CACNB2: variants seen among roughly 807,000 people sequenced by gnomAD.
CACNB2 encodes the protein calcium voltage-gated channel auxiliary subunit beta 2.
A neutral mutation model predicts 73.3 loss-of-function variants in CACNB2; 42 were observed. The observed-to-expected ratio is 0.57, with a 90% CI of 0.45 to 0.74. The LOEUF (loss-of-function observed/expected upper bound fraction) is 0.74, where lower values mean the gene tolerates loss of function less well. CACNB2 is among the 30% of genes least tolerant of loss of function. The pLI is 0.00. For synonymous variants in CACNB2, 348 were observed against 310.3 expected (o/e 1.12, Z -1.28); for missense variants, 940 against 853.0 (o/e 1.10, Z -1.27).
intron 2 of CACNB2, among the ~76,000 whole-genome samples, chr10:18,240,665 G>A (rs2036614248): frequency 6.6e-6 from 1 of 152,040 alleles, no homozygotes; most frequent in Non-Finnish European, 1.5e-5. Flanking sequence ...TGTCTAACTG[G>A]TTACGCAAAC....
chr10:18,381,723 A>G (rs368746379), intron 2 of CACNB2, among the ~76,000 whole-genome samples: 2 of 151,798 alleles, frequency 1.3e-5, no homozygotes, highest in East Asian at 3.9e-4. Context: ...TTTTAATGTA[A>G]CTTAGTTGAC....
intron 3 of CACNB2, among the ~76,000 whole-genome samples, chr10:18,489,112 G>T (rs1284356861): frequency 6.6e-6 from 1 of 152,072 alleles, no homozygotes; most frequent in African/African-American, 2.4e-5. Flanking sequence ...AGGAGATCAA[G>T]ACCATCCTGG....
chr10:18,504,811 AT>A (rs1240109168), intron 5 of CACNB2, among the ~76,000 whole-genome samples: 3 of 151,966 alleles, frequency 2.0e-5, no homozygotes, highest in Non-Finnish European at 1.5e-5. Context: ...CGCCCAGCTA[AT>A]TTTTGTATTT....
intron 2 of CACNB2, among the ~76,000 whole-genome samples, chr10:18,151,664 G>A (rs565435991): frequency 5.3e-5 from 8 of 152,138 alleles, no homozygotes; most frequent in South Asian, 2.1e-4. Context: ...TGAGGGTTGT[G>A]GTTATGTGTT....
At chr10:18,145,144 C>G (rs1446323213) in intron 1 of CACNB2, among the ~76,000 whole-genome samples, 2 of 152,216 alleles carry the variant, frequency 1.3e-5, no homozygotes, top group Admixed American at 1.3e-4. Flanking sequence ...CCAGCCGAGT[C>G]TGCCAGATGC....
intron 2 of CACNB2, among the ~76,000 whole-genome samples, chr10:18,394,864 T>G (rs1290962656): frequency 1.3e-5 from 2 of 152,218 alleles, no homozygotes; most frequent in Non-Finnish European, 2.9e-5. Context: ...ACGCACTCTT[T>G]TAGCCTCTAA....
intron 3 of CACNB2, among the ~76,000 whole-genome samples, chr10:18,487,268 C>T (rs4748472): frequency 0.74 from 112,586 of 152,116 alleles, 42,546 homozygotes; most frequent in East Asian, 0.9. Flanking sequence ...AGGTAGCCTT[C>T]ATCTATTGGC....
At chr10:18,385,464 C>T (rs375873754) in intron 2 of CACNB2, among the ~76,000 whole-genome samples, 80 of 134,524 alleles carry the variant, frequency 5.9e-4, no homozygotes, top group African/African-American at 2.2e-3. Context: ...CTTTAAAATG[C>T]ACTTATCAAA....
chr10:18,335,784 AACACAC>A (rs10545839), intron 2 of CACNB2, among the ~76,000 whole-genome samples: 20,603 of 143,646 alleles, frequency 0.14, 1,462 homozygotes, highest in Non-Finnish European at 0.16. Flanking sequence ...ACAGCAAGAA[AACACAC>A]ACACACACAC....
intron 2 of CACNB2, among the ~76,000 whole-genome samples, chr10:18,234,448 C>T (rs2036350643): frequency 1.3e-5 from 2 of 152,126 alleles, no homozygotes; most frequent in African/African-American, 2.4e-5. Flanking sequence ...CAGCCATAAC[C>T]TAGCAGCATT....
chr10:18,199,941 C>CTCTGTGTGTG (rs1554768681), intron 2 of CACNB2, among the ~76,000 whole-genome samples: 1 of 136,412 alleles, frequency 7.3e-6, no homozygotes, highest in Admixed American at 7.4e-5. Flanking sequence ...GTATATGAAA[C>CTCTGTGTGTG]TGTGTGTGTG....
chr10:18,367,658 A>G (rs2042411247), intron 2 of CACNB2, among the ~76,000 whole-genome samples: 1 of 152,202 alleles, frequency 6.6e-6, no homozygotes, highest in Non-Finnish European at 1.5e-5. Context: ...AAAATTATGT[A>G]AAAATTCACA....
At chr10:18,411,932 C>T (rs2044654437) in intron 3 of CACNB2, among the ~76,000 whole-genome samples, 1 of 152,208 alleles carries the variant, frequency 6.6e-6, no homozygotes, top group African/African-American at 2.4e-5. Flanking sequence ...AGATCTCAGC[C>T]TAGTGGCATT....
intron 2 of CACNB2, among the ~76,000 whole-genome samples, chr10:18,347,344 ATTTTTTT>A (rs201654242): frequency 3.3e-5 from 4 of 120,820 alleles, no homozygotes; most frequent in Non-Finnish European, 6.6e-5. Flanking sequence ...TGCCCGTCTA[ATTTTTTT>A]TTTTTTTTTT....
intron 2 of CACNB2, among the ~76,000 whole-genome samples, chr10:18,244,364 A>G (rs1320891579): frequency 2.0e-5 from 3 of 152,362 alleles, no homozygotes; most frequent in Non-Finnish European, 2.9e-5. Flanking sequence ...AACTAAAATT[A>G]GAATCATCAA....
chr10:18,438,702 C>T (rs554823925), intron 3 of CACNB2, among the ~76,000 whole-genome samples: 30 of 152,356 alleles, frequency 2.0e-4, no homozygotes, highest in African/African-American at 7.0e-4. Context: ...TTATATAGAA[C>T]GAAGGTTTGC....
chr10:18,181,260 A>C (rs2033864003), intron 2 of CACNB2, among the ~76,000 whole-genome samples: 1 of 152,108 alleles, frequency 6.6e-6, no homozygotes, highest in South Asian at 2.1e-4. Context: ...CCCTCTTAGC[A>C]AAAGCTAGTC....
intron 2 of CACNB2, among the ~76,000 whole-genome samples, chr10:18,228,117 C>T (rs575521562): frequency 6.6e-6 from 1 of 152,108 alleles, no homozygotes; most frequent in East Asian, 1.9e-4. Context: ...GTTGATGGTT[C>T]ATTTGGGGGG....
chr10:18,174,683 C>T (rs375171313), intron 2 of CACNB2, among the ~76,000 whole-genome samples: 10 of 152,162 alleles, frequency 6.6e-5, no homozygotes, highest in South Asian at 6.2e-4. Context: ...AGATTACAGG[C>T]GTAAGCCACC....
Sources: gnomAD v4.1 joint callset for allele counts (sites outside exome capture counted in the v4.1 genomes callset) on GRCh38, gnomAD v4.1.1 for gene constraint, MANE v1.5 for transcripts, NCBI Gene and HGNC (gene_info 2026-07-23, HGNC 2026-07-21) for gene names.